The following EDN1 variants were observed in gnomAD, a reference collection of about 807,000 sequenced individuals.
EDN1 encodes endothelin-1.
In EDN1, 11 loss-of-function variants were observed where a neutral mutation model predicts 21.7. The ratio of observed to expected loss-of-function variants is 0.51; its 90% CI spans 0.32 to 0.84. The LOEUF is 0.84. Among genes scored for constraint, EDN1 ranks in the 40% least tolerant of loss-of-function variants. The probability of loss-of-function intolerance (pLI) is 0.03; values close to 1 mark genes in which losing one functional copy is unlikely to be tolerated. For synonymous variants in EDN1, 85 were observed against 90.6 expected, an observed-to-expected ratio of 0.94 and a Z score of 0.35; for missense variants, 244 against 262.3, an observed-to-expected ratio of 0.93 and a Z score of 0.48.
At chr6:12,242,169 T>C in the EDN1 span, among the ~76,000 whole-genome samples, 2 of 152,052 alleles carry the variant, frequency 1.3e-5, no homozygotes, top group Non-Finnish European at 2.9e-5. Flanking sequence ...ACCAAAGGCT[T>C]TCTGGAGGTG....
At chr6:12,286,648 TGAGAAAGGAA>T (rs1290882646), upstream of EDN1, among the ~76,000 whole-genome samples, 1 of 152,218 alleles carries the variant, frequency 6.6e-6, no homozygotes, top group East Asian at 1.9e-4. Flanking sequence ...ACGCAAAAGT[TGAGAAAGGAA>T]AGCTGGAGAA....
At chr6:12,295,482 CA>C (rs113134928) in intron 4 of EDN1, among the ~76,000 whole-genome samples, 1,987 of 141,804 alleles carry the variant, frequency 0.014, 15 homozygotes, top group African/African-American at 0.024. Flanking sequence ...ATTAGGCCTG[CA>C]AAAAAAAAAA....
the EDN1 span, among the ~76,000 whole-genome samples, chr6:12,232,010 A>T: frequency 6.6e-6 from 1 of 150,666 alleles, no homozygotes; most frequent in African/African-American, 2.4e-5. Context: ...AAGAAAGGGT[A>T]AAATGTTGAC....
chr6:12,293,809 A>C, intron 2 of EDN1, 132 bp from the exon 3 acceptor site: 4 of 993,516 alleles, frequency 4.0e-6, no homozygotes, highest in Non-Finnish European at 6.1e-6. Context: ...GTTACACTTT[A>C]CCCTCTGAAA....
the EDN1 span, among the ~76,000 whole-genome samples, chr6:12,233,527 T>C: frequency 2.4e-3 from 368 of 152,204 alleles, no homozygotes; most frequent in African/African-American, 8.6e-3. Flanking sequence ...GCAAAGTCCT[T>C]TGGACAATTC....
At chr6:12,256,933 A>G in the EDN1 span, among the ~76,000 whole-genome samples, 2 of 152,204 alleles carry the variant, frequency 1.3e-5, no homozygotes, top group Non-Finnish European at 2.9e-5. Context: ...GTACAGACGT[A>G]TTAAAGGCAG....
chr6:12,251,594 G>A, the EDN1 span, among the ~76,000 whole-genome samples: 1 of 152,178 alleles, frequency 6.6e-6, no homozygotes, highest in African/African-American at 2.4e-5. Context: ...CAGGATGTCA[G>A]ATTAAAAACA....
chr6:12,239,503 G>C, the EDN1 span, among the ~76,000 whole-genome samples: 46 of 152,318 alleles, frequency 3.0e-4, no homozygotes, highest in South Asian at 1.4e-3. Context: ...TTAGGGGTAG[G>C]GGTAGGCCCT....
the EDN1 span, among the ~76,000 whole-genome samples, chr6:12,244,582 G>C: frequency 4.6e-5 from 7 of 152,192 alleles, no homozygotes; most frequent in Non-Finnish European, 1.0e-4. Context: ...AATAACAATA[G>C]TTTGCAGTCA....
the EDN1 span, among the ~76,000 whole-genome samples, chr6:12,284,748 G>GAAGAAAGAAAGA: frequency 0.01 from 819 of 78,488 alleles, 11 homozygotes; most frequent in Middle Eastern, 0.027. Context: ...AGGAAGGAAG[G>GAAGAAAGAAAGA]AAGAAAGAAA....
intron 4 of EDN1, 71 bp from the exon 5 acceptor site, chr6:12,295,891 T>G (rs1762810164): frequency 6.6e-7 from 1 of 1,505,890 alleles, no homozygotes; most frequent in Admixed American, 1.7e-5. Flanking sequence ...GATTCTAATT[T>G]TACATGTTTC....
the EDN1 span, among the ~76,000 whole-genome samples, chr6:12,242,243 C>T: frequency 6.6e-6 from 1 of 152,236 alleles, no homozygotes; most frequent in Admixed American, 6.5e-5. Flanking sequence ...CCAGTTCTCT[C>T]TAGGCTAATT....
chr6:12,243,286 A>AAGAGGAGGAGGAGGAGG, the EDN1 span, among the ~76,000 whole-genome samples: 30 of 139,644 alleles, frequency 2.1e-4, no homozygotes, highest in South Asian at 4.1e-3. Flanking sequence ...ACATTGAGTA[A>AAGAGGAGGAGGAGGAGG]AGAGGAGGAG....
the EDN1 span, among the ~76,000 whole-genome samples, chr6:12,273,704 A>G: frequency 1.4e-5 from 2 of 146,974 alleles, no homozygotes; most frequent in Non-Finnish European, 3.0e-5. Context: ...GTGAGCTAGC[A>G]CCCCAATTCA....
At chr6:12,285,549 A>G (rs1473977114), upstream of EDN1, among the ~76,000 whole-genome samples, 1 of 151,910 alleles carries the variant, frequency 6.6e-6, no homozygotes, top group Admixed American at 6.6e-5. Context: ...CTGTGTGGGC[A>G]TAGAAGATAC....
the EDN1 span, among the ~76,000 whole-genome samples, chr6:12,268,187 TA>T: frequency 6.6e-6 from 1 of 152,036 alleles, no homozygotes; most frequent in Non-Finnish European, 1.5e-5. Flanking sequence ...GATCAAGGAG[TA>T]ATTTTGACTT....
rs1762821730 is a variant in EDN1, at chr6:12,296,226, T to A, written c.*159T>A. The A allele has an allele frequency of 1.5e-6, 1 of 685,494 alleles. No individual in the cohort carries two copies. The highest frequency in any genetic ancestry group is 2.6e-6 in the Non-Finnish European group (1 of 381,580). The allele number at this position is 685,494 out of a possible 1,614,324, so 42.5% of individuals were successfully genotyped here. On this transcript the variant is annotated 3_prime_UTR_variant, in exon 5 of 5. Coordinates refer to ENST00000379375, the MANE Select transcript of EDN1 (RefSeq NM_001955.5). ...TCGTTCAAAACATTCCAAGAAAGGTTAAGGAGTTCCCCCAACCATCTTCAC... is the reference window on the plus strand; with the variant it reads ...TCGTTCAAAACATTCCAAGAAAGGTAAAGGAGTTCCCCCAACCATCTTCAC...
chr6:12,241,268 C>T, the EDN1 span, among the ~76,000 whole-genome samples: 3 of 150,890 alleles, frequency 2.0e-5, no homozygotes, highest in South Asian at 2.1e-4. Flanking sequence ...TGGGTTCAAG[C>T]GATTCTCCTG....
chr6:12,286,823 G>A (rs1208355032), upstream of EDN1, among the ~76,000 whole-genome samples: 1 of 152,152 alleles, frequency 6.6e-6, no homozygotes, highest in Admixed American at 6.6e-5. Context: ...AGCCTCAAAA[G>A]CAAGAATAGG....
Sources: gnomAD v4.1 joint callset for allele counts (sites outside exome capture counted in the v4.1 genomes callset) on GRCh38, gnomAD v4.1.1 for gene constraint, MANE v1.5 for transcripts, NCBI Gene and HGNC (gene_info 2026-07-23, HGNC 2026-07-21) for gene names.